RMDN2: variants seen among roughly 807,000 people sequenced by gnomAD.
RMDN2 encodes the protein regulator of microtubule dynamics 2, also known as regulator of microtubule dynamics protein 2.
In RMDN2, 61 loss-of-function variants were observed where a neutral mutation model predicts 52.8. The ratio of observed to expected loss-of-function variants is 1.16; its 90% confidence interval spans 0.94 to 1.43. The LOEUF is 1.43. Among genes scored for constraint, RMDN2 ranks in the 40% most tolerant of loss-of-function variants. The pLI, the probability that RMDN2 is intolerant of heterozygous loss-of-function variation, is 0.00. For missense variants in RMDN2, 592 were observed against 475.3 expected (o/e 1.25, Z -2.28); for synonymous variants, 180 against 153.1 (o/e 1.18, Z -1.30).
chr2:37,946,140 C>T (rs1000540173), intron 2 of RMDN2, among the ~76,000 whole-genome samples: 2 of 152,148 alleles, frequency 1.3e-5, no homozygotes, highest in Admixed American at 6.5e-5. Flanking sequence ...CAATTAATAG[C>T]GTTATAGAAC....
Position 37,989,408 on chromosome 2 carries a change from C to T in RMDN2, c.792-133C>T. The T allele has an allele frequency of 1.1e-5, 7 of 635,858 alleles. No homozygotes were observed. In the South Asian group the frequency reaches 1.4e-4, roughly 13 times the overall value. The allele number at this position is 635,858 out of a possible 1,614,324, so 39.4% of individuals were successfully genotyped here. On this transcript the variant is annotated intron_variant, in intron 5 of 10. Transcript: ENST00000354545. ...TCAAGTATTTATTATTGTTAGGGCC[C>T]TTATATTTATATGAATACTCCTGTT...
intron 10 of RMDN2, among the ~76,000 whole-genome samples, chr2:38,050,533 A>T (rs1026003825): frequency 2.6e-5 from 4 of 152,122 alleles, no homozygotes; most frequent in African/African-American, 4.8e-5. Flanking sequence ...TTGCTGCCAG[A>T]CTGGGATGCA....
At chr2:37,971,401 T>G (rs1359129036) in intron 2 of RMDN2, among the ~76,000 whole-genome samples, 4 of 152,176 alleles carry the variant, frequency 2.6e-5, no homozygotes, top group Non-Finnish European at 5.9e-5. Flanking sequence ...TAAGAAATTA[T>G]TTCTGGACGC....
intron 6 of RMDN2, 71 bp downstream of exon 6, chr2:37,989,687 A>C (rs1674503772): frequency 5.0e-6 from 5 of 999,654 alleles, no homozygotes; most frequent in Non-Finnish European, 7.6e-6. Context: ...TAATAATAAA[A>C]ATGTTTTAAT....
intron 3 of RMDN2, among the ~76,000 whole-genome samples, 184 bp downstream of exon 3, chr2:37,974,398 A>T (rs1558495769): frequency 6.6e-6 from 1 of 152,120 alleles, no homozygotes; most frequent in Non-Finnish European, 1.5e-5. Flanking sequence ...ATAAAATTTT[A>T]AAAAAGTAAA....
At chr2:38,003,472 G>A (rs1390569074) in intron 8 of RMDN2, among the ~76,000 whole-genome samples, 2 of 152,162 alleles carry the variant, frequency 1.3e-5, no homozygotes, top group African/African-American at 2.4e-5. Context: ...AGAATTGCCT[G>A]AACCTGGGAG....
chr2:37,942,771 T>A (rs1406696408), intron 2 of RMDN2, among the ~76,000 whole-genome samples: 2 of 152,230 alleles, frequency 1.3e-5, no homozygotes, highest in South Asian at 4.1e-4. Flanking sequence ...CCTTATTCAT[T>A]CAGTGTGAGT....
intron 2 of RMDN2, among the ~76,000 whole-genome samples, chr2:37,961,128 G>A (rs1484735957): frequency 6.6e-6 from 1 of 151,824 alleles, no homozygotes; most frequent in Non-Finnish European, 1.5e-5. Context: ...AACATTTTTT[G>A]TTTGTTTCAA....
At chr2:37,985,699 CAG>C (rs1174838119) in intron 5 of RMDN2, among the ~76,000 whole-genome samples, 6 of 151,960 alleles carry the variant, frequency 3.9e-5, no homozygotes, top group African/African-American at 1.4e-4. Context: ...TTAGAAGTAA[CAG>C]GGTATATGAT....
intron 7 of RMDN2, among the ~76,000 whole-genome samples, chr2:37,995,619 G>T (rs1675434742): frequency 6.6e-6 from 1 of 152,072 alleles, no homozygotes; most frequent in African/African-American, 2.4e-5. Context: ...GTAAAACATT[G>T]GAGCCTCACA....
intron 10 of RMDN2, among the ~76,000 whole-genome samples, chr2:38,026,406 A>G (rs1198756852): frequency 6.6e-6 from 1 of 152,076 alleles, no homozygotes; most frequent in Non-Finnish European, 1.5e-5. Flanking sequence ...CTGGAAGTTT[A>G]TCAATGTTGC....
intron 2 of RMDN2, among the ~76,000 whole-genome samples, chr2:37,936,812 G>T (rs776782684): frequency 1.3e-5 from 2 of 152,182 alleles, no homozygotes; most frequent in African/African-American, 2.4e-5. Context: ...CAGACGAATA[G>T]ATTGCAAAAA....
chr2:37,994,138 A>G (rs532589042), intron 7 of RMDN2, among the ~76,000 whole-genome samples: 88 of 152,364 alleles, frequency 5.8e-4, no homozygotes, highest in East Asian at 5.8e-4. Context: ...CAAGGAAACA[A>G]GCCAACAGTA....
chr2:37,965,148 A>G (rs547910262), intron 2 of RMDN2, among the ~76,000 whole-genome samples: 2 of 152,274 alleles, frequency 1.3e-5, no homozygotes, highest in South Asian at 4.1e-4. Context: ...TTTGGACAGC[A>G]TATCGTTAAA....
intron 7 of RMDN2, among the ~76,000 whole-genome samples, chr2:37,992,448 T>C (rs1390601499): frequency 6.6e-6 from 1 of 152,240 alleles, no homozygotes; most frequent in Non-Finnish European, 1.5e-5. Context: ...GATGCCTTCA[T>C]TCTCTGAAAT....
At chr2:37,922,534 T>C (rs1254170326), upstream of RMDN2, among the ~76,000 whole-genome samples, 1 of 152,098 alleles carries the variant, frequency 6.6e-6, no homozygotes, top group Non-Finnish European at 1.5e-5. Flanking sequence ...TTATCTAATA[T>C]AGAGGGTGTG....
chr2:38,043,641 T>C (rs1049754365), intron 10 of RMDN2, among the ~76,000 whole-genome samples: 3 of 152,256 alleles, frequency 2.0e-5, no homozygotes, highest in Non-Finnish European at 2.9e-5. Flanking sequence ...CGTCCTTTAC[T>C]ATATTATAAT....
chr2:37,999,855 A>G (rs971197801), intron 8 of RMDN2, among the ~76,000 whole-genome samples: 2 of 152,158 alleles, frequency 1.3e-5, no homozygotes, highest in African/African-American at 4.8e-5. Context: ...GGAGTTGACA[A>G]GTGAAGTTGA....
At position 37,981,339 on chromosome 2, in the gene RMDN2, C is replaced by G. The variant is rs1673284477; in HGVS notation, c.787C>G (p.Leu263Val). The G allele has an allele frequency of 1.3e-6, 2 of 1,599,236 alleles. No individual in the cohort carries two copies. The highest frequency in any genetic ancestry group is 2.2e-5 in the East Asian group (1 of 44,758). ...AGCACCCATGAATGGACATTGTCAT[C>G]TGTGGTAAGTGTATAGGATTTATGC... ...NRAPMNGHCHLWYAVLCGYVS... is the reference protein window; with the variant it reads ...NRAPMNGHCHVWYAVLCGYVS... Residue 263 changes from leucine (L) to valine (V), a missense_variant, in exon 5 of 11, where the codon CTG (leucine) becomes GTG (valine). Physicochemically the swap from Leu to Val is conservative, Grantham distance 32. Coordinates refer to ENST00000354545, the MANE Select transcript of RMDN2 (RefSeq NM_001170791.3).
Sources: gnomAD v4.1 joint callset for allele counts (sites outside exome capture counted in the v4.1 genomes callset) on GRCh38, gnomAD v4.1.1 for gene constraint, MANE v1.5 for transcripts, NCBI Gene and HGNC (gene_info 2026-07-23, HGNC 2026-07-21) for gene names.